Variants in COL18A1 observed in about 807,000 individuals in gnomAD.
The protein encoded by COL18A1 is collagen type XVIII alpha 1 chain, also known as collagen alpha-1(XVIII) chain.
In COL18A1, 133 loss-of-function variants were observed where a neutral mutation model predicts 168.0. That is an observed-to-expected ratio of 0.79 (90% CI 0.69 to 0.91). The LOEUF (loss-of-function observed/expected upper bound fraction) is 0.91. COL18A1 is among the 40% of genes least tolerant of loss of function. COL18A1 has a pLI of 0.00. For synonymous variants in COL18A1, 949 were observed against 809.0 expected (o/e 1.17, Z -2.94); for missense variants, 2,126 against 1,925.4 (o/e 1.10, Z -1.95).
chr21:45,488,272 T>C, intron 17 of COL18A1, 146 bp from the exon 18 acceptor site: 1 of 1,022,754 alleles, frequency 9.8e-7, no homozygotes, highest in East Asian at 2.4e-5. Context: ...TAAGTTAGAA[T>C]GGCTTTACCA....
chr21:45,413,006 G>A (rs993768860), intron 2 of COL18A1, among the ~76,000 whole-genome samples: 23 of 152,176 alleles, frequency 1.5e-4, no homozygotes, highest in African/African-American at 4.8e-4. Flanking sequence ...ATCTGTGCCT[G>A]GGGATGGTGG....
intron 15 of COL18A1, among the ~76,000 whole-genome samples, chr21:45,484,083 A>ACACATG (rs2035998555): frequency 1.3e-5 from 1 of 74,834 alleles, no homozygotes; most frequent in African/African-American, 5.3e-5. Flanking sequence ...CAGCATATGT[A>ACACATG]CACACACACA....
intron 2 of COL18A1, among the ~76,000 whole-genome samples, chr21:45,452,842 C>CATGT (rs10594258): frequency 7.4e-6 from 1 of 135,624 alleles, no homozygotes; most frequent in Non-Finnish European, 1.6e-5. Flanking sequence ...CATGTGTAAA[C>CATGT]ATGTATGTAT....
chr21:45,458,629 C>T (rs1008057732), intron 2 of COL18A1, among the ~76,000 whole-genome samples: 1 of 152,208 alleles, frequency 6.6e-6, no homozygotes, highest in African/African-American at 2.4e-5. Flanking sequence ...GGCAGCCTTG[C>T]AGGAGCCGTA....
intron 2 of COL18A1, chr21:45,467,408 T>TGGCACGTTGGCA: frequency 1.0e-6 from 1 of 974,370 alleles, no homozygotes; most frequent in Non-Finnish European, 1.2e-6. Flanking sequence ...GGGGAGACTG[T>TGGCACGTTGGCA]GGCACGTTGG....
At chr21:45,489,587 T>C (rs2036227519) in intron 19 of COL18A1, 66 bp downstream of exon 19, 1 of 1,117,456 alleles carries the variant, frequency 8.9e-7, no homozygotes. Flanking sequence ...GCCGGACACC[T>C]GCGGAGATCA....
rs1022303700 is a variant in COL18A1 at position 45,425,174 on chromosome 21, C to T, written c.106+19701C>T. 6.6e-6 allele frequency: 1 copy of T among 152,346 alleles called. No individual in the cohort carries two copies. Among genetic ancestry groups the T allele is most frequent in the Non-Finnish European group, 1.5e-5 (1 of 68,144 alleles). The allele number at this position is 152,346 out of a possible 1,614,324, so 9.4% of individuals were successfully genotyped here. ...GGGCAGCACCACCCACCGCCTCCTT[C>T]CTCACACCAGTCTTGGGCTGCGCAG... On this transcript the variant is annotated intron_variant, in intron 2 of 41. Transcript: ENST00000651438. This position sits in a 1 kb window ranked among gnomAD's most constrained non-coding sequence, Gnocchi z 4.1.
chr21:45,510,312 T>C lies in COL18A1; in HGVS notation c.3693+51T>C, dbSNP rs763287468. 18 of 1,539,778 alleles carry C rather than the reference T, an allele frequency of 1.2e-5. No homozygotes were observed. The East Asian group carries it at 4.4e-4, about 37-fold the overall frequency. The stretch of plus-strand genomic sequence containing the variant: ...CGGGCTCCTCGGCCCCCACTTGACC[T>C]CTGGGGTGAACTCCCAGCGGGGAGC... On this transcript the variant is annotated intron_variant, in intron 40 of 41. Transcript: ENST00000651438.
intron 26 of COL18A1, 76 bp downstream of exon 26, chr21:45,493,651 C>G: frequency 8.9e-7 from 1 of 1,119,118 alleles, no homozygotes; most frequent in Non-Finnish European, 1.3e-6. Flanking sequence ...GAGGGTCTTC[C>G]TGAGGGTCTG....
chr21:45,504,245 C>A, intron 33 of COL18A1, 171 bp from the exon 34 acceptor site: 3 of 881,936 alleles, frequency 3.4e-6, no homozygotes, highest in Non-Finnish European at 5.4e-6. Context: ...TTGGGGGACT[C>A]GGCTGATGCA....
intron 2 of COL18A1, chr21:45,455,681 C>T: frequency 3.7e-6 from 6 of 1,613,662 alleles, no homozygotes; most frequent in Non-Finnish European, 5.1e-6. Flanking sequence ...GCCCCAGGGG[C>T]CCCTGCCTGT....
At position 45,505,933 on chromosome 21, in the gene COL18A1, C is replaced by T. The variant is rs376728632; in HGVS notation, c.3183C>T (p.Tyr1061=). ...TCGTGGCCGAGCAGGAGGAGCTCTACGTCCGCGTGCAGAACGGGTTCCGGA... is the reference window on the plus strand; with the variant it reads ...TCGTGGCCGAGCAGGAGGAGCTCTATGTCCGCGTGCAGAACGGGTTCCGGA... ...LIFVAEQEEL[Y]VRVQNGFRKV... The change falls in exon 37 of 42, where the codon TAC becomes TAT. Residue 1061 remains tyrosine (Y), a synonymous_variant. Transcript: ENST00000651438. 24 of 1,613,214 alleles carry T rather than the reference C, an allele frequency of 1.5e-5. No individual in the cohort carries two copies. The East Asian group carries it at 1.8e-4, about 12-fold the overall frequency.
At position 45,513,320 on chromosome 21, in the gene COL18A1, G is replaced by A. The variant is rs1854168854; in HGVS notation, c.*922G>A. On this transcript the variant is annotated 3_prime_UTR_variant, in exon 42 of 42. Coordinates refer to ENST00000651438, the MANE Select transcript of COL18A1 (RefSeq NM_001379500.1). ...GGACATGCGGTAGCCAGCACACAGG[G>A]CAGTGAGGGAGGGCTGTCATCTGTG... 1 of 152,352 alleles carries A rather than the reference G, an allele frequency of 6.6e-6. No individual in the cohort carries two copies. Among genetic ancestry groups the A allele is most frequent in the Non-Finnish European group, 1.5e-5 (1 of 68,128 alleles). The allele number at this position is 152,352 out of a possible 1,614,324, so 9.4% of individuals were successfully genotyped here. A position where few individuals can be genotyped will look rare whatever the true frequency, so the allele number is the denominator to read the frequency against.
chr21:45,420,183 G>A (rs1453794108), intron 2 of COL18A1: 1 of 152,250 alleles, frequency 6.6e-6, no homozygotes, highest in Non-Finnish European at 1.5e-5. Context: ...CAGAGGCGTT[G>A]CTGTCGCAGC....
At chr21:45,442,814 C>T (rs1288616027) in intron 2 of COL18A1, among the ~76,000 whole-genome samples, 2 of 130,342 alleles carry the variant, frequency 1.5e-5, no homozygotes, top group Admixed American at 7.5e-5. Flanking sequence ...CTGGTGTGGG[C>T]GGAGGTCCTG....
At position 45,492,384 on chromosome 21, in the gene COL18A1, A is replaced by C. The variant is rs1181242939; in HGVS notation, c.2158-151A>C. ...CTGAGCTGAGGGGCGTCTGTGCTGC[A>C]GGAGGGATGCCCCAGGCCCAGGAAG... On this transcript the variant is annotated intron_variant, in intron 22 of 41. Transcript: ENST00000651438. 4 of 922,762 alleles carry C rather than the reference A, an allele frequency of 4.3e-6. No homozygotes were observed. In the East Asian group the frequency reaches 9.6e-5, roughly 22 times the overall value. 57.2% of individuals were successfully genotyped at this position (922,762 alleles called of 1,614,324 possible).
At chr21:45,455,707 T>TA in intron 2 of COL18A1, 5 of 1,613,898 alleles carry the variant, frequency 3.1e-6, no homozygotes, top group Non-Finnish European at 4.2e-6. Flanking sequence ...CCACAGCAGA[T>TA]ACCACCACAC....
At position 45,498,905 on chromosome 21, in the gene COL18A1, C is replaced by G. The variant is rs969123375; in HGVS notation, c.2683+1244C>G. Among the ~76,000 whole-genome samples, 2 of 152,152 alleles carry G rather than the reference C, an allele frequency of 1.3e-5. No homozygotes were observed. Among genetic ancestry groups the G allele is most frequent in the African/African-American group, 4.8e-5 (2 of 41,422 alleles). ...GTCAGGATGAACCTGGGGCTGAAGG[C>G]GGAACAGTTGGAGATTGAGACCTGT... On this transcript the variant is annotated intron_variant, in intron 32 of 41. Coordinates refer to ENST00000651438, the MANE Select transcript of COL18A1 (RefSeq NM_001379500.1). This position sits in a 1 kb window ranked among gnomAD's most constrained non-coding sequence, Gnocchi z 4.5.
intron 2 of COL18A1, among the ~76,000 whole-genome samples, chr21:45,460,501 C>T (rs930547463): frequency 3.1e-4 from 47 of 152,310 alleles, no homozygotes; most frequent in African/African-American, 9.4e-4. Flanking sequence ...CGGGAGTGCA[C>T]GTGAAGGTCA....
Sources: gnomAD v4.1 joint callset for allele counts (sites outside exome capture counted in the v4.1 genomes callset) on GRCh38, gnomAD v4.1.1 for gene constraint, Gnocchi (gnomAD v3.1) non-coding constraint, MANE v1.5 for transcripts, NCBI Gene and HGNC (gene_info 2026-07-23, HGNC 2026-07-21) for gene names.